Variants in PTPN21 observed in about 807,000 individuals in gnomAD.
PTPN21 encodes protein tyrosine phosphatase non-receptor type 21.
PTPN21 carries 77 observed loss-of-function variants against 131.8 expected under a neutral mutation model. That is an observed-to-expected ratio of 0.58 (90% CI 0.49 to 0.71). The LOEUF (loss-of-function observed/expected upper bound fraction) is 0.71, where lower values mean the gene tolerates loss of function less well. PTPN21 is among the 30% of genes least tolerant of loss of function. The pLI is 0.00. For missense variants in PTPN21, 1,552 were observed against 1,527.1 expected, an observed-to-expected ratio of 1.02 and a Z score of -0.27; for synonymous variants, 715 against 621.3, an observed-to-expected ratio of 1.15 and a Z score of -2.24.
chr14:88,508,156 T>A (rs199852458), intron 3 of PTPN21, 136 bp from the exon 4 acceptor site: 9 of 497,222 alleles, frequency 1.8e-5, no homozygotes, highest in Non-Finnish European at 2.8e-5. Context: ...GTGTGTTTTT[T>A]TTTTTTTTTT....
Position 88,479,658 on chromosome 14 carries a change from G to A in PTPN21, c.1773C>T (p.Asn591=), listed in dbSNP as rs1359358503. 3 of 1,533,970 alleles carry A rather than the reference G, an allele frequency of 2.0e-6. No homozygotes were observed. The highest frequency in any genetic ancestry group is 2.6e-6 in the Non-Finnish European group (3 of 1,148,040). Residue 591 remains asparagine (N), a synonymous_variant, in exon 13 of 19, where the codon AAC becomes AAT. Transcript: ENST00000556564. ...GCACGCGCCGCGTGATGAGGTCGGG[G>A]TTGCTGCTGCTGATGTAAAGGTGGC... ...LSRHLYISSS[N]PDLITRRVHH...
rs2077605662 is a variant in PTPN21, at chr14:88,479,516, C to T, written c.1915G>A (p.Glu639Lys). The part of the protein sequence containing the change: ...HAQLHKRNSI[E>K]VAGLSHGLEG... ...AGGCCGTGGCTGAGCCCGGCCACCT[C>T]GATGCTGTTCCGTTTGTGCAGCTGC... Residue 639 changes from glutamate to lysine, a missense_variant, in exon 13 of 19, where the codon GAG (glutamate) becomes AAG (lysine). By Grantham distance (56) the Glu-to-Lys change is moderately conservative. Transcript: ENST00000556564. The T allele has an allele frequency of 1.2e-6, 2 of 1,600,774 alleles. No individual in the cohort carries two copies. Among genetic ancestry groups the T allele is most frequent in the African/African-American group, 2.7e-5 (2 of 75,024 alleles).
Position 88,469,120 on chromosome 14 carries a change from C to G in PTPN21, c.3236-44G>C, listed in dbSNP as rs373722054. The G allele has an allele frequency of 6.4e-7, 1 of 1,564,614 alleles. No homozygotes were observed. The highest frequency in any genetic ancestry group is 1.4e-5 in the African/African-American group (1 of 73,736). ...ATAGAAAAGTACTCAAGGATCAAGGCGTATCACATTGTTGACTCAATCTTC... is the reference window on the plus strand; with the variant it reads ...ATAGAAAAGTACTCAAGGATCAAGGGGTATCACATTGTTGACTCAATCTTC... On this transcript the variant is annotated intron_variant, in intron 17 of 18. Coordinates refer to ENST00000556564, the MANE Select transcript of PTPN21 (RefSeq NM_007039.4). The surrounding 1 kb of genome is among the most constrained non-coding windows in gnomAD (Gnocchi z 4.3).
intron 2 of PTPN21, among the ~76,000 whole-genome samples, chr14:88,518,384 G>GTATA (rs1383018796): frequency 3.5e-3 from 46 of 13,320 alleles, no homozygotes; most frequent in East Asian, 5.5e-3. Context: ...ATGTGTGTGT[G>GTATA]TGTATATATA....
At position 88,480,105 on chromosome 14, in the gene PTPN21, G is replaced by T. The variant is rs137858098; in HGVS notation, c.1326C>A (p.Pro442=). ...LPSHRHSAVI[P]PSYRPTPDYE... Reference sequence around the variant, plus strand: ...AGTCTGGGGTGGGGCGGTAGGACGGGGGTATCACGGCGCTGTGCCGATGGG... The same window carrying T: ...AGTCTGGGGTGGGGCGGTAGGACGGTGGTATCACGGCGCTGTGCCGATGGG... Residue 442 remains proline, a synonymous_variant, in exon 13 of 19, where the codon CCC becomes CCA. Coordinates refer to ENST00000556564, the MANE Select transcript of PTPN21 (RefSeq NM_007039.4). The T allele has an allele frequency of 2.2e-5, 35 of 1,614,084 alleles. No homozygotes were observed. In the Admixed American group the frequency reaches 4.5e-4, roughly 21 times the overall value.
intron 2 of PTPN21, among the ~76,000 whole-genome samples, chr14:88,534,578 A>G (rs2078602953): frequency 6.6e-6 from 1 of 152,154 alleles, no homozygotes; most frequent in African/African-American, 2.4e-5. Context: ...AGCTGAGGTT[A>G]ATTTATTATC....
intron 3 of PTPN21, 119 bp downstream of exon 3, chr14:88,516,973 G>T: frequency 1.8e-6 from 2 of 1,140,070 alleles, no homozygotes; most frequent in South Asian, 1.6e-5. Flanking sequence ...TAACACCGTG[G>T]CTAAAAATGT....
In PTPN21 at chr14:88,473,769, T is replaced by C. The variant is rs535011015; in HGVS notation, c.2545A>G (p.Ile849Val). 5 of 1,594,500 alleles carry C rather than the reference T, an allele frequency of 3.1e-6. No homozygotes were observed. The East Asian group carries it at 1.1e-4, about 36-fold the overall frequency. ...AGGGCAGCCAGTTTAAGAGGACCAA[T>C]TTTTTTTGCATCTACTCGAGTCTTT... ...MKKTRVDAKK[I>V]GPLKLAALNG... The change falls in exon 14 of 19, where the codon ATT becomes GTT. Residue 849 changes from isoleucine to valine, a missense_variant. By Grantham distance (29) the Ile-to-Val change is conservative. Coordinates refer to ENST00000556564, the MANE Select transcript of PTPN21 (RefSeq NM_007039.4).
At chr14:88,481,031 G>A (rs1453974248) in intron 12 of PTPN21, among the ~76,000 whole-genome samples, 1 of 152,146 alleles carries the variant, frequency 6.6e-6, no homozygotes, top group Non-Finnish European at 1.5e-5. Flanking sequence ...CTATGCATGT[G>A]TCCCTGCCCA....
chr14:88,522,285 G>A (rs1261142772), intron 2 of PTPN21, among the ~76,000 whole-genome samples: 3 of 151,798 alleles, frequency 2.0e-5, no homozygotes, highest in Non-Finnish European at 2.9e-5. Context: ...AAAATTAGCC[G>A]GGTATGATGG....
At chr14:88,497,585 T>C (rs2077940638) in intron 8 of PTPN21, among the ~76,000 whole-genome samples, 2 of 151,214 alleles carry the variant, frequency 1.3e-5, no homozygotes, top group Non-Finnish European at 2.9e-5. Context: ...CTGGCTAACA[T>C]GGTGAAACCC....
At chr14:88,497,415 CA>C (rs374787677) in intron 8 of PTPN21, 125 bp from the exon 9 acceptor site, 1 of 708,836 alleles carries the variant, frequency 1.4e-6, no homozygotes. Flanking sequence ...TTGAGAAAAA[CA>C]AAAAACAAAA....
chr14:88,540,544 TGTA>T (rs1408976016), intron 2 of PTPN21, among the ~76,000 whole-genome samples: 1 of 152,218 alleles, frequency 6.6e-6, no homozygotes, highest in Non-Finnish European at 1.5e-5. Flanking sequence ...CTTTGCCAAA[TGTA>T]GTTGAATCAA....
intron 2 of PTPN21, among the ~76,000 whole-genome samples, chr14:88,532,742 G>A (rs2078571946): frequency 6.6e-6 from 1 of 152,100 alleles, no homozygotes; most frequent in Non-Finnish European, 1.5e-5. Context: ...GCAGTAGAGG[G>A]AAGTGATGGG....
At chr14:88,541,347 G>A (rs1456822800) in intron 2 of PTPN21, among the ~76,000 whole-genome samples, 3 of 152,172 alleles carry the variant, frequency 2.0e-5, no homozygotes, top group Non-Finnish European at 2.9e-5. Flanking sequence ...TCAGAGAACT[G>A]AATAGGAAAA....
chr14:88,486,774 C>T (rs758616087), intron 10 of PTPN21, among the ~76,000 whole-genome samples: 26 of 152,064 alleles, frequency 1.7e-4, no homozygotes, highest in Middle Eastern at 6.8e-3. Flanking sequence ...GTCAGGAGTT[C>T]GAGACCACCT....
chr14:88,477,446 T>TAAAAAAA (rs59381948), intron 13 of PTPN21, among the ~76,000 whole-genome samples: 118 of 76,146 alleles, frequency 1.5e-3, no homozygotes, highest in South Asian at 2.7e-3. Context: ...AAGACTGTTC[T>TAAAAAAA]AAAAAAAAAA....
chr14:88,472,272 G>T lies in PTPN21; in HGVS notation c.2843C>A (p.Thr948Asn). 1 of 1,612,298 alleles carries T rather than the reference G, an allele frequency of 6.2e-7. No homozygotes were observed. The highest frequency in any genetic ancestry group is 1.3e-5 in the African/African-American group (1 of 74,992). The change falls in exon 15 of 19, where the codon ACT becomes AAT. Residue 948 changes from threonine to asparagine, a missense_variant. By Grantham distance (65) the Thr-to-Asn change is moderately conservative (BLOSUM62 0). Transcript: ENST00000556564. Reference protein sequence around the residue: ...VELVPTKENNTGYINASHIKV... With the variant: ...VELVPTKENNNGYINASHIKV... ...AATATGTGATGCGTTGATGTAACCA[G>T]TGTTGTTTTCTTTAGTTGGGACCAA...
In PTPN21 at chr14:88,469,766, G is replaced by T; in HGVS notation, c.3001-33C>A. 1 of 1,610,190 alleles carries T rather than the reference G, an allele frequency of 6.2e-7. No homozygotes were observed. Among genetic ancestry groups the T allele is most frequent in the East Asian group, 2.2e-5 (1 of 44,854 alleles). On this transcript the variant is annotated intron_variant, in intron 16 of 18. Transcript: ENST00000556564. This position sits in a 1 kb window ranked among gnomAD's most constrained non-coding sequence, Gnocchi z 4.3. ...AGATGAGCATGGTTAAATGACTCGA[G>T]ATCCGGCAATGGATGCCTTTCTCAC...
Sources: gnomAD v4.1 joint callset for allele counts (sites outside exome capture counted in the v4.1 genomes callset) on GRCh38, gnomAD v4.1.1 for gene constraint, Gnocchi (gnomAD v3.1) non-coding constraint, MANE v1.5 for transcripts, NCBI Gene and HGNC (gene_info 2026-07-23, HGNC 2026-07-21) for gene names.